Variants in FHOD3 observed in about 807,000 individuals in gnomAD.
FHOD3 encodes FH1/FH2 domain-containing protein 3.
FHOD3 carries 90 observed loss-of-function variants against 173.0 expected under a neutral mutation model. The ratio of observed to expected loss-of-function variants is 0.52; its 90% CI spans 0.44 to 0.62. The LOEUF (loss-of-function observed/expected upper bound fraction) is 0.62, where lower values mean the gene tolerates loss of function less well. Ranked by LOEUF, FHOD3 falls within the 20% of genes least tolerant of loss-of-function variation. FHOD3 has a pLI of 0.00. For missense variants in FHOD3, 1,945 were observed against 2,034.7 expected (o/e 0.96, Z 0.85); for synonymous variants, 828 against 823.0 (o/e 1.01, Z -0.10).
chr18:36,550,893 A>G (rs1599618130), intron 5 of FHOD3, among the ~76,000 whole-genome samples: 1 of 152,198 alleles, frequency 6.6e-6, no homozygotes, highest in East Asian at 1.9e-4. Flanking sequence ...TTCCTTTCCA[A>G]TCTCAACTGC....
chr18:36,487,434 G>T (rs985021286), intron 3 of FHOD3, among the ~76,000 whole-genome samples: 1 of 152,170 alleles, frequency 6.6e-6, no homozygotes, highest in Non-Finnish European at 1.5e-5. Context: ...ACCCTGCTGG[G>T]CCCCTGAGCC....
At chr18:36,420,285 T>TA (rs1395382309) in intron 3 of FHOD3, among the ~76,000 whole-genome samples, 2 of 152,202 alleles carry the variant, frequency 1.3e-5, no homozygotes, top group African/African-American at 2.4e-5. Flanking sequence ...GGCCATCAGA[T>TA]ACAGTCAGAT....
At chr18:36,575,529 A>G (rs2058617503) in intron 5 of FHOD3, among the ~76,000 whole-genome samples, 1 of 152,120 alleles carries the variant, frequency 6.6e-6, no homozygotes, top group African/African-American at 2.4e-5. Flanking sequence ...AATTATTTTC[A>G]CTTTATTCTT....
chr18:36,729,913 C>T (rs1568685762), intron 19 of FHOD3, among the ~76,000 whole-genome samples: 2 of 152,216 alleles, frequency 1.3e-5, no homozygotes, highest in African/African-American at 4.8e-5. Context: ...GGAAGCCACA[C>T]ATAAAAGGGC....
In FHOD3 at chr18:36,648,933, A is replaced by G. The variant is rs568296366; in HGVS notation, c.1197-383A>G. ...TTGCTGCAGCAGCTGGTCATCACCA[A>G]AAACCTTTACTGGATGATTCTGTGT... On this transcript the variant is annotated intron_variant, in intron 10 of 28. Transcript: ENST00000590592. Among the ~76,000 whole-genome samples the G allele has an allele frequency of 3.9e-5, 6 of 152,350 alleles. No individual in the cohort carries two copies. The East Asian group carries it at 1.2e-3, about 29-fold the overall frequency.
At chr18:36,485,154 C>A (rs1325344092) in intron 3 of FHOD3, among the ~76,000 whole-genome samples, 1 of 206 alleles carries the variant, frequency 4.9e-3, no homozygotes, top group Non-Finnish European at 9.6e-3. Context: ...TTAAGTTCCC[C>A]TTTCCCCACC....
intron 3 of FHOD3, among the ~76,000 whole-genome samples, chr18:36,413,273 G>T (rs1356095119): frequency 6.6e-6 from 1 of 152,160 alleles, no homozygotes; most frequent in African/African-American, 2.4e-5. Context: ...TCATTTTCCG[G>T]GTGCGCAGCT....
intron 3 of FHOD3, among the ~76,000 whole-genome samples, chr18:36,450,439 GTTTGTTTATTTA>G (rs1443816707): frequency 2.7e-3 from 249 of 91,166 alleles, no homozygotes; most frequent in African/African-American, 6.5e-3. Flanking sequence ...TTTACGACCA[GTTTGTTTATTTA>G]TTTATTTATT....
intron 3 of FHOD3, among the ~76,000 whole-genome samples, chr18:36,437,384 T>C (rs890697971): frequency 2.6e-5 from 4 of 152,188 alleles, no homozygotes; most frequent in African/African-American, 9.7e-5. Context: ...TGATCTTCTA[T>C]ATCGATTGGC....
chr18:36,411,534 A>G (rs1191946727), intron 3 of FHOD3, among the ~76,000 whole-genome samples: 1 of 151,986 alleles, frequency 6.6e-6, no homozygotes, highest in African/African-American at 2.4e-5. Context: ...TTTTGTTCCT[A>G]TTTTTTAGTG....
At chr18:36,493,408 C>T (rs367564578) in intron 3 of FHOD3, among the ~76,000 whole-genome samples, 28 of 152,048 alleles carry the variant, frequency 1.8e-4, no homozygotes, top group African/African-American at 6.8e-4. Context: ...TTGAAATGAG[C>T]CATGCTTCCT....
Position 36,355,552 on chromosome 18 carries a change from C to T in FHOD3, c.179C>T (p.Thr60Ile). The T allele has an allele frequency of 3.1e-6, 5 of 1,614,102 alleles. No individual in the cohort carries two copies. The highest frequency in any genetic ancestry group is 4.2e-6 in the Non-Finnish European group (5 of 1,179,974). The change falls in exon 2 of 29, where the codon ACT (threonine) becomes ATT (isoleucine). Residue 60 changes from threonine to isoleucine, a missense_variant. Thr to Ile is a moderately conservative substitution (Grantham distance 89). Around this residue, in one of 5 missense-constraint regions of FHOD3, gnomAD observed 245 missense variants for 267.7 expected, o/e 0.92. Coordinates refer to ENST00000590592, the MANE Select transcript of FHOD3 (RefSeq NM_001281740.3). ...LQAPHKLDDCTLQLSHNGAYL... is the reference protein window; with the variant it reads ...LQAPHKLDDCILQLSHNGAYL... ...TTTCTCTTGCAGCTGGATGACTGTACTCTGCAGCTCTCTCACAATGGCGCC... is the reference window on the plus strand; with the variant it reads ...TTTCTCTTGCAGCTGGATGACTGTATTCTGCAGCTCTCTCACAATGGCGCC...
chr18:36,580,580 A>G (rs1436186389), intron 6 of FHOD3, among the ~76,000 whole-genome samples: 1 of 152,266 alleles, frequency 6.6e-6, no homozygotes, highest in Non-Finnish European at 1.5e-5. Context: ...TAACAAAGGC[A>G]GTAGCTGCCA....
chr18:36,621,556 A>G (rs538339135), intron 9 of FHOD3, among the ~76,000 whole-genome samples: 3 of 152,304 alleles, frequency 2.0e-5, no homozygotes, highest in Admixed American at 1.3e-4. Context: ...TGTGTCTTCA[A>G]CAGCCTAGCC....
chr18:36,738,769 C>T (rs1199738866), intron 20 of FHOD3, among the ~76,000 whole-genome samples: 4 of 152,248 alleles, frequency 2.6e-5, no homozygotes, highest in Non-Finnish European at 5.9e-5. Flanking sequence ...TCTGAACTGT[C>T]TGCTCTGTCC....
intron 17 of FHOD3, among the ~76,000 whole-genome samples, chr18:36,701,064 T>C (rs2039560924): frequency 6.6e-6 from 1 of 152,366 alleles, no homozygotes; most frequent in South Asian, 2.1e-4. Context: ...CACGTGCCTG[T>C]GCCCACCTTT....
intron 25 of FHOD3, among the ~76,000 whole-genome samples, chr18:36,758,801 G>A (rs1026457137): frequency 7.9e-5 from 12 of 152,222 alleles, no homozygotes; most frequent in Non-Finnish European, 1.5e-4. Flanking sequence ...ATGCACAGCT[G>A]CGAGTGACGT....
intron 5 of FHOD3, among the ~76,000 whole-genome samples, chr18:36,563,881 G>A (rs1344319086): frequency 6.6e-6 from 1 of 152,048 alleles, no homozygotes; most frequent in Non-Finnish European, 1.5e-5. Flanking sequence ...CTCTGAATCT[G>A]GGTGTTTATG....
intron 8 of FHOD3, among the ~76,000 whole-genome samples, chr18:36,610,988 A>G (rs1179628120): frequency 2.0e-5 from 3 of 152,150 alleles, no homozygotes; most frequent in East Asian, 3.9e-4. Context: ...GGCTCCTTCC[A>G]TCTGTGAGCC....
Sources: allele counts gnomAD v4.1 joint callset (sites outside exome capture counted in the v4.1 genomes callset), GRCh38; gene constraint gnomAD v4.1.1; regional missense constraint gnomAD v4.1.1; transcripts MANE v1.5; gene names NCBI Gene and HGNC (gene_info 2026-07-23, HGNC 2026-07-21).